Variants in AXDND1 observed in about 807,000 individuals in gnomAD.
AXDND1 encodes the protein axonemal dynein light chain domain containing 1, also known as axonemal dynein light chain domain-containing protein 1.
Under a neutral mutation model 137.5 loss-of-function variants are expected in AXDND1, and 110 were observed. That is an observed-to-expected ratio of 0.80 (90% CI 0.69 to 0.94). The LOEUF (loss-of-function observed/expected upper bound fraction) is 0.94. AXDND1 is among the 40% of genes least tolerant of loss of function. The probability of loss-of-function intolerance (pLI) is 0.00; values close to 1 mark genes in which losing one functional copy is unlikely to be tolerated. For synonymous variants in AXDND1, 414 were observed against 399.7 expected (o/e 1.04, Z -0.43); for missense variants, 1,191 against 1,169.8 (o/e 1.02, Z -0.26).
chr1:179,491,766 T>A, intron 19 of AXDND1, 29 bp downstream of exon 19: 1 of 1,492,154 alleles, frequency 6.7e-7, no homozygotes, highest in Non-Finnish European at 9.0e-7. Context: ...TGTTGCCCTT[T>A]TGAAGAATTG....
chr1:179,391,616 C>T (rs1558111379), intron 9 of AXDND1, among the ~76,000 whole-genome samples: 1 of 151,912 alleles, frequency 6.6e-6, no homozygotes, highest in Admixed American at 6.6e-5. Context: ...AGCTCACTGC[C>T]ACCTCCAGCT....
In AXDND1 at chr1:179,432,313, G is replaced by A. The variant is rs774378926; in HGVS notation, c.1534G>A (p.Val512Ile). The A allele has an allele frequency of 7.6e-6, 12 of 1,570,984 alleles. No individual in the cohort carries two copies. In the East Asian group the frequency reaches 2.7e-4, roughly 36 times the overall value. ...SPNKGNIFNS[V>I]LLDFKQWQKI... ...TAATAAGGGAAATATATTTAATTCAGTTCTTTTAGACTTCAAACAGTGGCA... is the reference window on the plus strand; with the variant it reads ...TAATAAGGGAAATATATTTAATTCAATTCTTTTAGACTTCAAACAGTGGCA... Residue 512 changes from valine (V) to isoleucine (I), a missense_variant, in exon 15 of 26, where the codon GTT becomes ATT. By Grantham distance (29) the Val-to-Ile change is conservative. Coordinates refer to ENST00000367618, the MANE Select transcript of AXDND1 (RefSeq NM_144696.6).
In AXDND1 at chr1:179,436,824, C is replaced by T. The variant is rs142318588; in HGVS notation, c.1563+4482C>T. On this transcript the variant is annotated intron_variant, in intron 15 of 25. Transcript: ENST00000367618. ...CGTATACCTGTGTAACAAACCTGCACATTCTGCACATGTATCCCCAAACTT... is the reference window on the plus strand; with the variant it reads ...CGTATACCTGTGTAACAAACCTGCATATTCTGCACATGTATCCCCAAACTT... Among the ~76,000 whole-genome samples the T allele has an allele frequency of 6.5e-3, 990 of 151,640 alleles. 2 individuals are homozygous for T. The highest frequency in any genetic ancestry group is 0.01 in the Admixed American group (156 of 15,204).
chr1:179,393,632 C>T (rs7539388), intron 9 of AXDND1, among the ~76,000 whole-genome samples: 44,325 of 152,020 alleles, frequency 0.29, 6,662 homozygotes, highest in Non-Finnish European at 0.31. Context: ...GTTTGTGTCA[C>T]ATGCAATGTT....
chr1:179,454,399 AC>A, intron 16 of AXDND1: 1 of 152,524 alleles, frequency 6.6e-6, no homozygotes. Context: ...AGTCCATTAA[AC>A]CTCTTTCTTC....
chr1:179,452,522 A>C (rs1464354546), intron 16 of AXDND1: 2 of 146,586 alleles, frequency 1.4e-5, no homozygotes, highest in Non-Finnish European at 3.0e-5. Flanking sequence ...CCCCGTCTCT[A>C]CTAAAAATAC....
Position 179,534,757 on chromosome 1 carries a change from AGAG to A in AXDND1, c.2830_2832del (p.Glu944del), listed in dbSNP as rs531976426. 6.5e-5 allele frequency: 103 copies of A among 1,591,274 alleles called. No homozygotes were observed. The African/African-American group carries it at 1.4e-3, about 21-fold the overall frequency. On this transcript the variant is annotated inframe_deletion, in exon 25 of 26. Coordinates refer to ENST00000367618, the MANE Select transcript of AXDND1 (RefSeq NM_144696.6). ...AGGTTGAAAATAGAGCCAGACAGGC[AGAG>A]GAGAAGTTTGAAGATGCATATGAGA...
At chr1:179,534,553 A>G in intron 24 of AXDND1, 177 bp from the exon 25 acceptor site, 1 of 620,742 alleles carries the variant, frequency 1.6e-6, no homozygotes, top group Non-Finnish European at 2.5e-6. Context: ...TGACATTAGC[A>G]TTCAGAGTCG....
At chr1:179,522,805 T>C (rs1464121261) in intron 21 of AXDND1, among the ~76,000 whole-genome samples, 1 of 100,982 alleles carries the variant, frequency 9.9e-6, no homozygotes, top group Non-Finnish European at 2.5e-5. Flanking sequence ...AAAAAAAGTA[T>C]TTTCATTTTG....
At chr1:179,477,311 T>G (rs1664757858) in intron 17 of AXDND1, among the ~76,000 whole-genome samples, 1 of 151,990 alleles carries the variant, frequency 6.6e-6, no homozygotes, top group African/African-American at 2.4e-5. Context: ...CTAACATGTG[T>G]TAGTTCATTT....
intron 9 of AXDND1, among the ~76,000 whole-genome samples, chr1:179,386,210 C>A (rs956286617): frequency 6.6e-6 from 1 of 151,970 alleles, no homozygotes; most frequent in Admixed American, 6.6e-5. Flanking sequence ...TGCCACCACG[C>A]CCGGCTAATT....
At chr1:179,426,947 A>G (rs1656659855) in intron 12 of AXDND1, among the ~76,000 whole-genome samples, 1 of 152,186 alleles carries the variant, frequency 6.6e-6, no homozygotes, top group African/African-American at 2.4e-5. Context: ...GGATGGCCTG[A>G]TGTCAGGAGT....
chr1:179,489,141 C>T (rs1399383125), intron 18 of AXDND1, among the ~76,000 whole-genome samples: 1 of 151,988 alleles, frequency 6.6e-6, no homozygotes. Flanking sequence ...GCAGTCAATT[C>T]ATCTTAAAAT....
At position 179,427,811 on chromosome 1, in the gene AXDND1, G is replaced by T. The variant is rs538183319; in HGVS notation, c.1231-1707G>T. On this transcript the variant is annotated intron_variant, in intron 12 of 25. Coordinates refer to ENST00000367618, the MANE Select transcript of AXDND1 (RefSeq NM_144696.6). Reference sequence around the variant, plus strand: ...GAGGTAATTTGCCTAAGTTCACATAGCTAATAAATGGTGAACCTAGCAAGT... The same window carrying T: ...GAGGTAATTTGCCTAAGTTCACATATCTAATAAATGGTGAACCTAGCAAGT... Among the ~76,000 whole-genome samples, 5 of 152,148 alleles carry T rather than the reference G, an allele frequency of 3.3e-5. No individual in the cohort carries two copies. In the East Asian group the frequency reaches 9.7e-4, roughly 29 times the overall value.
At chr1:179,481,778 T>G (rs10913793) in intron 17 of AXDND1, among the ~76,000 whole-genome samples, 83,480 of 152,002 alleles carry the variant, frequency 0.55, 23,227 homozygotes, top group East Asian at 0.76. Flanking sequence ...CTGCATAAAT[T>G]ATCTATTGTT....
intron 25 of AXDND1, chr1:179,551,677 A>AAATG: frequency 1.8e-6 from 1 of 566,272 alleles, no homozygotes; most frequent in Non-Finnish European, 3.1e-6. Flanking sequence ...TCACAAGTAT[A>AAATG]AATGAAGTAT....
chr1:179,401,066 C>T (rs1425398453), intron 11 of AXDND1, among the ~76,000 whole-genome samples: 2 of 151,414 alleles, frequency 1.3e-5, no homozygotes. Flanking sequence ...CGAGACCAGC[C>T]TGACCAACAT....
intron 18 of AXDND1, among the ~76,000 whole-genome samples, chr1:179,488,634 C>CCTTTCTTTCTTTCTTTCTTT (rs57848949): frequency 2.9e-5 from 3 of 105,172 alleles, no homozygotes; most frequent in Admixed American, 9.8e-5. Flanking sequence ...CTCTCTCTCT[C>CCTTTCTTTCTTTCTTTCTTT]CTTTCTTTCT....
intron 4 of AXDND1, among the ~76,000 whole-genome samples, chr1:179,374,645 G>GT (rs2125059482): frequency 6.6e-6 from 1 of 152,176 alleles, no homozygotes; most frequent in South Asian, 2.1e-4. Flanking sequence ...CTTTGTAGCC[G>GT]TAAAAAAGGA....
Sources: gnomAD v4.1 joint callset for allele counts (sites outside exome capture counted in the v4.1 genomes callset) on GRCh38, gnomAD v4.1.1 for gene constraint, MANE v1.5 for transcripts, NCBI Gene and HGNC (gene_info 2026-07-23, HGNC 2026-07-21) for gene names.